Variants in PASK observed in about 807,000 individuals in gnomAD.
PASK encodes PAS domain containing serine/threonine kinase, also known as PAS domain-containing serine/threonine-protein kinase.
A neutral mutation model predicts 121.0 loss-of-function variants in PASK; 110 were observed. That is an observed-to-expected ratio of 0.91 (90% CI 0.78 to 1.06). The LOEUF (loss-of-function observed/expected upper bound fraction) is 1.06, where lower values mean the gene tolerates loss of function less well. PASK is among the 50% of genes least tolerant of loss of function. PASK has a pLI of 0.00. For synonymous variants in PASK, 686 were observed against 717.8 expected, an observed-to-expected ratio of 0.96 and a Z score of 0.71; for missense variants, 1,643 against 1,702.3, an observed-to-expected ratio of 0.97 and a Z score of 0.61.
Position 241,126,575 on chromosome 2 carries a change from A to C in PASK, c.2340T>G (p.Asp780Glu). 1 of 1,614,260 alleles carries C rather than the reference A, an allele frequency of 6.2e-7. No homozygotes were observed. Among genetic ancestry groups the C allele is most frequent in the Non-Finnish European group, 8.5e-7 (1 of 1,180,050 alleles). ...PSSLAVGSDPDVGSLQEQGSC... is the reference protein window; with the variant it reads ...PSSLAVGSDPEVGSLQEQGSC... ...ACCCCTGTTCCTGGAGACTGCCTAC[A>C]TCTGGATCGGAGCCCACTGCCAAGG... The change falls in exon 10 of 18, where the codon GAT becomes GAG. Residue 780 changes from aspartate to glutamate, a missense_variant. Asp to Glu is a conservative substitution (Grantham distance 45). Transcript: ENST00000234040.
chr2:241,135,254 T>C (rs919051943), intron 8 of PASK, among the ~76,000 whole-genome samples: 6 of 152,128 alleles, frequency 3.9e-5, no homozygotes, highest in Non-Finnish European at 7.3e-5. Context: ...GAAATACTGG[T>C]AGAACATTCA....
At chr2:241,123,848 C>A in intron 11 of PASK, 101 bp downstream of exon 11, 33 of 917,144 alleles carry the variant, frequency 3.6e-5, no homozygotes, top group Non-Finnish European at 5.8e-5. Context: ...TACAAACAGA[C>A]TGTATTCCCG....
intron 8 of PASK, chr2:241,134,660 G>A (rs994333008): frequency 6.6e-6 from 1 of 152,286 alleles, no homozygotes; most frequent in Non-Finnish European, 1.5e-5. Flanking sequence ...ACCGCATGCA[G>A]GACAACCTCG....
chr2:241,142,853 G>A lies in PASK; in HGVS notation c.180C>T (p.Ser60=), dbSNP rs1267585315. The part of the protein sequence containing the change: ...RRNGLSRLCQ[S]RTALSEDRWS... ...GGTCATTACCAGAGAGCGCTGTCCT[G>A]CTCTGGCAGAGTCTGGAAAGCCCAT... Residue 60 remains serine (S), a synonymous_variant, in exon 2 of 18, where the codon AGC becomes AGT. Coordinates refer to ENST00000234040, the MANE Select transcript of PASK (RefSeq NM_015148.4). The A allele has an allele frequency of 6.2e-7, 1 of 1,612,800 alleles. No individual in the cohort carries two copies. Among genetic ancestry groups the A allele is most frequent in the Non-Finnish European group, 8.5e-7 (1 of 1,179,100 alleles).
In PASK at chr2:241,108,704, C is replaced by T. The variant is rs1467540417; in HGVS notation, c.3534-404G>A. On this transcript the variant is annotated intron_variant, in intron 15 of 17. Coordinates refer to ENST00000234040, the MANE Select transcript of PASK (RefSeq NM_015148.4). The surrounding 1 kb of genome is among the most constrained non-coding windows in gnomAD (Gnocchi z 5.2). ...CACGTGCCCTTCAGACGTGATCAGG[C>T]ATGTTCACGATCTTGGTGTGAACGG... is the stretch of plus-strand genomic sequence containing the variant. 3 of 351,212 alleles carry T rather than the reference C, an allele frequency of 8.5e-6. No homozygotes were observed. The highest frequency in any genetic ancestry group is 1.7e-5 in the Non-Finnish European group (3 of 178,874). 21.8% of individuals were successfully genotyped at this position (351,212 alleles called of 1,614,324 possible). A position where few individuals can be genotyped will look rare whatever the true frequency, so the allele number is the denominator to read the frequency against.
At chr2:241,122,210 G>T (rs766082656) in intron 12 of PASK, among the ~76,000 whole-genome samples, 4 of 150,594 alleles carry the variant, frequency 2.7e-5, no homozygotes, top group Non-Finnish European at 5.9e-5. Context: ...AATAGAAGAA[G>T]AAAATAAAAT....
In PASK at chr2:241,138,035, G is replaced by A; in HGVS notation, c.794C>T (p.Ser265Phe). The A allele has an allele frequency of 6.2e-7, 1 of 1,614,164 alleles. No homozygotes were observed. The highest frequency in any genetic ancestry group is 8.5e-7 in the Non-Finnish European group (1 of 1,179,972). Residue 265 changes from serine (S) to phenylalanine (F), a missense_variant, in exon 6 of 18, where the codon TCT becomes TTT. By Grantham distance (155) the Ser-to-Phe change is radical. This residue lies in a region of PASK where 1,176 missense variants were observed against 1,162.2 expected (regional missense o/e 1.01). Coordinates refer to ENST00000234040, the MANE Select transcript of PASK (RefSeq NM_015148.4). ...ATGCTGCCCAGCCACGTCCTCCCCAGACACGTACCCGTGAAGATGAGCAAA... is the reference window on the plus strand; with the variant it reads ...ATGCTGCCCAGCCACGTCCTCCCCAAACACGTACCCGTGAAGATGAGCAAA... ...SLFAHLHGYV[S>F]GEDVAGQHIT...
At chr2:241,129,006 C>T (rs1339680046) in intron 9 of PASK, among the ~76,000 whole-genome samples, 1 of 117,848 alleles carries the variant, frequency 8.5e-6, no homozygotes, top group Non-Finnish European at 1.9e-5. Flanking sequence ...TGCCTCTCTC[C>T]CTCCATGTCT....
upstream of PASK, chr2:241,149,630 G>C (rs550646731): frequency 2.0e-6 from 3 of 1,538,350 alleles, no homozygotes; most frequent in African/African-American, 1.4e-5. Context: ...CGGCGCTTCG[G>C]AGGAGCCAAA....
chr2:241,132,341 G>A (rs770415728), intron 9 of PASK, among the ~76,000 whole-genome samples: 1 of 151,358 alleles, frequency 6.6e-6, no homozygotes, highest in Admixed American at 6.6e-5. Flanking sequence ...TGGCCAACAT[G>A]GTGAAACTAA....
At chr2:241,142,103 C>A (rs1243254406) in intron 2 of PASK, among the ~76,000 whole-genome samples, 1 of 149,424 alleles carries the variant, frequency 6.7e-6, no homozygotes. Flanking sequence ...ATCCTGGGCA[C>A]TCTCCACAGG....
intron 14 of PASK, chr2:241,114,166 CTT>C (rs2065229233): frequency 1.0e-6 from 1 of 984,410 alleles, no homozygotes; most frequent in African/African-American, 1.7e-5. Flanking sequence ...AGGACGTCAC[CTT>C]CCAACACAGG....
intron 1 of PASK, among the ~76,000 whole-genome samples, chr2:241,143,532 T>C (rs550083681): frequency 2.0e-5 from 3 of 146,534 alleles, no homozygotes; most frequent in South Asian, 2.1e-4. Context: ...GCCTGGGCGA[T>C]AGAGAGAGAC....
At position 241,106,336 on chromosome 2, in the gene PASK, C is replaced by T. The variant is rs943469381; in HGVS notation, c.*230G>A. 6.8e-6 allele frequency: 4 copies of T among 585,976 alleles called. No homozygotes were observed. In the African/African-American group the frequency reaches 7.5e-5, roughly 11 times the overall value. 36.3% of individuals were successfully genotyped at this position (585,976 alleles called of 1,614,324 possible). A position where few individuals can be genotyped will look rare whatever the true frequency, so the allele number is the denominator to read the frequency against. On this transcript the variant is annotated 3_prime_UTR_variant, in exon 18 of 18. Transcript: ENST00000234040. The stretch of plus-strand genomic sequence containing the variant: ...CCTTTAATAATATAAAACAGTTGAA[C>T]ACTGGAATGTTTTTTTCTAGGTCAT...
Position 241,124,747 on chromosome 2 carries a change from T to C in PASK, c.2720-614A>G, listed in dbSNP as rs537582541. Reference sequence around the variant, plus strand: ...TTTCTTCTTGTTTATATTTCTAATGTTTCTACAAATAACACGTATTATTTA... The same window carrying C: ...TTTCTTCTTGTTTATATTTCTAATGCTTCTACAAATAACACGTATTATTTA... On this transcript the variant is annotated intron_variant, in intron 10 of 17. Transcript: ENST00000234040. 3.3e-5 allele frequency among the ~76,000 whole-genome samples: 5 copies of C among 152,364 alleles called. No individual in the cohort carries two copies. The South Asian group carries it at 1.0e-3, about 32-fold the overall frequency.
In PASK at chr2:241,136,005, T is replaced by C. The variant is rs748954870; in HGVS notation, c.1172A>G (p.Tyr391Cys). ...TGAGCTGTTGTACGCAAGGTCCATG[T>C]AGCTGTAGAAACCAGGAATCAGGAA... is the stretch of plus-strand genomic sequence containing the variant. ...ITFLIPGFYS[Y>C]MDLAYNSSLQ... The change falls in exon 8 of 18, where the codon TAC becomes TGC. Residue 391 changes from tyrosine to cysteine, a missense_variant. Transcript: ENST00000234040. 3 of 1,613,972 alleles carry C rather than the reference T, an allele frequency of 1.9e-6. No individual in the cohort carries two copies. Among genetic ancestry groups the C allele is most frequent in the South Asian group, 1.1e-5 (1 of 91,088 alleles).
chr2:241,114,698 C>T, intron 14 of PASK: 2 of 1,313,232 alleles, frequency 1.5e-6, no homozygotes, highest in Non-Finnish European at 1.9e-6. Flanking sequence ...CTGTGCCGCA[C>T]ACATGCCTTT....
At chr2:241,117,492 T>C (rs557543453) in intron 12 of PASK, among the ~76,000 whole-genome samples, 51 of 152,274 alleles carry the variant, frequency 3.3e-4, no homozygotes, top group South Asian at 8.3e-4. Context: ...GGGGGGCCCA[T>C]GCACACCTAA....
At chr2:241,136,772 G>A (rs369832082) in intron 7 of PASK, among the ~76,000 whole-genome samples, 5 of 152,242 alleles carry the variant, frequency 3.3e-5, no homozygotes, top group East Asian at 3.8e-4. Flanking sequence ...TCAGGGCTTC[G>A]AAGCACAGTG....
Sources: gnomAD v4.1 joint callset for allele counts (sites outside exome capture counted in the v4.1 genomes callset) on GRCh38, gnomAD v4.1.1 for gene constraint, gnomAD v4.1.1 regional missense constraint, Gnocchi (gnomAD v3.1) non-coding constraint, MANE v1.5 for transcripts, NCBI Gene and HGNC (gene_info 2026-07-23, HGNC 2026-07-21) for gene names.